The following ASTN2 variants were observed in gnomAD, a reference collection of about 807,000 sequenced individuals.
The protein encoded by ASTN2 is astrotactin 2, also known as astrotactin-2.
ASTN2 carries 54 observed loss-of-function variants against 139.8 expected under a neutral mutation model. That is an observed-to-expected ratio of 0.39 (90% CI 0.31 to 0.48). The LOEUF (loss-of-function observed/expected upper bound fraction) is 0.48, where lower values mean the gene tolerates loss of function less well. Ranked by LOEUF, ASTN2 falls within the 20% of genes least tolerant of loss-of-function variation. The probability of loss-of-function intolerance (pLI) is 0.95; values close to 1 mark genes in which losing one functional copy is unlikely to be tolerated. For synonymous variants in ASTN2, 756 were observed against 719.5 expected (o/e 1.05, Z -0.81); for missense variants, 1,565 against 1,725.1 (o/e 0.91, Z 1.64).
At chr9:117,004,342 G>T (rs1030807941) in intron 7 of ASTN2, among the ~76,000 whole-genome samples, 2 of 151,980 alleles carry the variant, frequency 1.3e-5, no homozygotes, top group Admixed American at 1.3e-4. Flanking sequence ...GCTGGTCTTG[G>T]ACTCCTGGGC....
In ASTN2 at chr9:117,218,902, T is replaced by C. The variant is rs117963693; in HGVS notation, c.631-4160A>G. Among the ~76,000 whole-genome samples, 17 of 152,324 alleles carry C rather than the reference T, an allele frequency of 1.1e-4. No individual in the cohort carries two copies. In the East Asian group the frequency reaches 3.1e-3, roughly 28 times the overall value. ...TATAAAATCAGGTCATAGACTTCTT[T>C]ATCAAGGGAAGTGAGATGTGAACTA... On this transcript the variant is annotated intron_variant, in intron 2 of 22. Coordinates refer to ENST00000313400, the MANE Select transcript of ASTN2 (RefSeq NM_001365068.1).
intron 19 of ASTN2, among the ~76,000 whole-genome samples, chr9:116,509,482 T>A (rs1374593950): frequency 6.6e-6 from 1 of 152,226 alleles, no homozygotes; most frequent in Non-Finnish European, 1.5e-5. Flanking sequence ...TGTGCATGTG[T>A]CTTTATAGCA....
chr9:116,641,187 G>A (rs1408334433), intron 17 of ASTN2, among the ~76,000 whole-genome samples: 1 of 152,216 alleles, frequency 6.6e-6, no homozygotes, highest in East Asian at 1.9e-4. Flanking sequence ...TGTAGACAGA[G>A]ATGCCTGCTT....
Position 117,245,749 on chromosome 9 carries a change from C to T in ASTN2, c.631-31007G>A, listed in dbSNP as rs185362819. 4.5e-3 allele frequency among the ~76,000 whole-genome samples: 688 copies of T among 152,246 alleles called. 4 individuals carry two copies. The highest frequency in any genetic ancestry group is 0.015 in the African/African-American group (618 of 41,540). On this transcript the variant is annotated intron_variant, in intron 2 of 22. Transcript: ENST00000313400. Reference sequence around the variant, plus strand: ...TCTTACTTCTGCCCCCTGGTATCTGCTCACCATCTCCTTGCCTAGTACATT... The same window carrying T: ...TCTTACTTCTGCCCCCTGGTATCTGTTCACCATCTCCTTGCCTAGTACATT...
chr9:116,855,591 C>T (rs979195710), intron 11 of ASTN2, among the ~76,000 whole-genome samples: 6 of 152,258 alleles, frequency 3.9e-5, no homozygotes, highest in South Asian at 2.1e-4. Flanking sequence ...GAAGAAAGTG[C>T]CCCTCTCTTC....
intron 19 of ASTN2, among the ~76,000 whole-genome samples, chr9:116,601,833 C>T (rs1295658309): frequency 6.6e-6 from 1 of 151,882 alleles, no homozygotes; most frequent in Non-Finnish European, 1.5e-5. Context: ...TAGGGGGTTC[C>T]GAAGAATGAG....
chr9:117,329,101 C>A (rs1465950479), intron 1 of ASTN2, among the ~76,000 whole-genome samples: 1 of 151,012 alleles, frequency 6.6e-6, no homozygotes, highest in Non-Finnish European at 1.5e-5. Flanking sequence ...CATTCCCCAA[C>A]AGGTCAGGGA....
At chr9:116,775,752 G>A (rs896587019) in intron 13 of ASTN2, among the ~76,000 whole-genome samples, 1 of 143,222 alleles carries the variant, frequency 7.0e-6, no homozygotes, top group Non-Finnish European at 1.5e-5. Context: ...AGGAAGGAAG[G>A]AGGGAGGGAG....
Position 117,304,824 on chromosome 9 carries a change from C to T in ASTN2, c.443-13311G>A, listed in dbSNP as rs74685789. Among the ~76,000 whole-genome samples the T allele has an allele frequency of 2.1e-4, 32 of 152,282 alleles. No individual in the cohort carries two copies. In the East Asian group the frequency reaches 5.0e-3, roughly 24 times the overall value. On this transcript the variant is annotated intron_variant, in intron 1 of 22. Transcript: ENST00000313400. ...CCACACCATTCAGTCCAATTTAGGC[C>T]GGCCACAGATGGTGCCCTGTGGCAA...
chr9:117,354,079 A>T (rs760071619), intron 1 of ASTN2, among the ~76,000 whole-genome samples: 1 of 152,168 alleles, frequency 6.6e-6, no homozygotes, highest in African/African-American at 2.4e-5. Context: ...TGTTAATTGT[A>T]ACAAAAGTAC....
chr9:117,220,766 T>G (rs1423494524), intron 2 of ASTN2, among the ~76,000 whole-genome samples: 1 of 152,172 alleles, frequency 6.6e-6, no homozygotes, highest in African/African-American at 2.4e-5. Context: ...AAATTTCTCA[T>G]GTTTTAAGCC....
intron 13 of ASTN2, among the ~76,000 whole-genome samples, chr9:116,773,467 T>G (rs1349645129): frequency 6.6e-6 from 1 of 151,994 alleles, no homozygotes. Context: ...ACAGAAATGG[T>G]GGTAGCTTAA....
chr9:117,368,606 C>T (rs1829908788), intron 1 of ASTN2, among the ~76,000 whole-genome samples: 1 of 152,076 alleles, frequency 6.6e-6, no homozygotes, highest in African/African-American at 2.4e-5. Flanking sequence ...GAGACAGTAT[C>T]CTAATCTTGT....
At chr9:117,026,339 C>G (rs921066338) in intron 6 of ASTN2, among the ~76,000 whole-genome samples, 5 of 152,108 alleles carry the variant, frequency 3.3e-5, no homozygotes, top group Admixed American at 2.6e-4. Flanking sequence ...AGGATTTGAA[C>G]CCATGTACTC....
chr9:117,057,069 C>A (rs1451088581), intron 5 of ASTN2, among the ~76,000 whole-genome samples: 2 of 152,134 alleles, frequency 1.3e-5, no homozygotes, highest in Non-Finnish European at 2.9e-5. Context: ...TTTGTTGGAA[C>A]AGTTACTTAA....
At chr9:117,379,130 T>A (rs1830199893) in intron 1 of ASTN2, among the ~76,000 whole-genome samples, 1 of 152,170 alleles carries the variant, frequency 6.6e-6, no homozygotes, top group African/African-American at 2.4e-5. Context: ...AAACCTCTTT[T>A]ATTTATAAAT....
chr9:116,767,236 C>A (rs560240389), intron 13 of ASTN2, among the ~76,000 whole-genome samples: 1 of 152,262 alleles, frequency 6.6e-6, no homozygotes, highest in East Asian at 1.9e-4. Flanking sequence ...GGAACCCGCC[C>A]CTTCCCTGCC....
intron 12 of ASTN2, among the ~76,000 whole-genome samples, chr9:116,817,137 A>G (rs1298314101): frequency 6.6e-6 from 1 of 151,900 alleles, no homozygotes; most frequent in African/African-American, 2.4e-5. Flanking sequence ...TACTAAAAAT[A>G]CAAAAAATTA....
chr9:117,174,046 C>T (rs1830857616), intron 3 of ASTN2, among the ~76,000 whole-genome samples: 1 of 150,434 alleles, frequency 6.6e-6, no homozygotes, highest in Non-Finnish European at 1.5e-5. Flanking sequence ...GGCATAAAAA[C>T]AAAATCTCTG....
Sources: gnomAD v4.1 joint callset for allele counts (sites outside exome capture counted in the v4.1 genomes callset) on GRCh38, gnomAD v4.1.1 for gene constraint, MANE v1.5 for transcripts, NCBI Gene and HGNC (gene_info 2026-07-23, HGNC 2026-07-21) for gene names.